Variants in NXN observed in about 807,000 individuals in gnomAD.
The protein encoded by NXN is nucleoredoxin 1.
NXN carries 16 observed loss-of-function variants against 48.6 expected under a neutral mutation model. The observed-to-expected ratio is 0.33, with a 90% CI of 0.22 to 0.50. The LOEUF (loss-of-function observed/expected upper bound fraction) is 0.50, where lower values mean the gene tolerates loss of function less well. Among genes scored for constraint, NXN ranks in the 20% least tolerant of loss-of-function variants. NXN has a pLI of 0.98. For synonymous variants in NXN, 281 were observed against 269.6 expected, an observed-to-expected ratio of 1.04 and a Z score of -0.41; for missense variants, 492 against 605.5, an observed-to-expected ratio of 0.81 and a Z score of 1.97.
chr17:873,493 C>CAAAAAAAAAAAAAAAAA (rs71145783), intron 1 of NXN, among the ~76,000 whole-genome samples: 4 of 74,980 alleles, frequency 5.3e-5, no homozygotes, highest in African/African-American at 1.5e-4. Flanking sequence ...ACACTGTCTC[C>CAAAAAAAAAAAAAAAAA]AAAAAAAAAA....
intron 1 of NXN, among the ~76,000 whole-genome samples, chr17:829,275 C>G (rs1277415936): frequency 6.6e-6 from 1 of 151,774 alleles, no homozygotes; most frequent in Admixed American, 6.6e-5. Context: ...TCTGCCTCAG[C>G]CTCCCGAGTA....
intron 1 of NXN, among the ~76,000 whole-genome samples, chr17:866,308 CGCA>C (rs1353249470): frequency 6.6e-6 from 1 of 152,026 alleles, no homozygotes; most frequent in Admixed American, 6.6e-5. Context: ...TAAGGCTGGG[CGCA>C]GTGGCTCACA....
At chr17:977,663 C>T (rs1358126566) in intron 1 of NXN, among the ~76,000 whole-genome samples, 1 of 152,156 alleles carries the variant, frequency 6.6e-6, no homozygotes, top group Admixed American at 6.5e-5. Flanking sequence ...TTTGTATTGC[C>T]GGATAAGGAC....
At chr17:841,080 C>T (rs1469098807) in intron 1 of NXN, among the ~76,000 whole-genome samples, 3 of 152,224 alleles carry the variant, frequency 2.0e-5, no homozygotes, top group Non-Finnish European at 4.4e-5. Flanking sequence ...CCACACCTCA[C>T]TCTCTTCAGC....
At chr17:818,290 C>A (rs552667439) in intron 5 of NXN, among the ~76,000 whole-genome samples, 7 of 152,124 alleles carry the variant, frequency 4.6e-5, no homozygotes, top group African/African-American at 1.4e-4. Context: ...CTGAAAAACA[C>A]CATGATTAGT....
At chr17:807,346 G>A (rs1265759693) in intron 5 of NXN, among the ~76,000 whole-genome samples, 4 of 152,214 alleles carry the variant, frequency 2.6e-5, no homozygotes, top group African/African-American at 7.2e-5. Flanking sequence ...AGGCCCCGCG[G>A]CCAGCCTGCG....
At chr17:910,082 ATCC>A (rs2068621379) in intron 1 of NXN, 1 of 152,188 alleles carries the variant, frequency 6.6e-6, no homozygotes, top group South Asian at 2.1e-4. Flanking sequence ...TTGAAGCAAC[ATCC>A]TACACCTCCT....
intron 1 of NXN, among the ~76,000 whole-genome samples, chr17:885,672 CTTTTTTT>C (rs532225883): frequency 1.2e-5 from 1 of 83,750 alleles, no homozygotes; most frequent in Non-Finnish European, 2.1e-5. Flanking sequence ...GCGGTACTCG[CTTTTTTT>C]TTTTTTTTTT....
chr17:969,271 C>A (rs550166807), intron 1 of NXN, among the ~76,000 whole-genome samples: 1 of 152,112 alleles, frequency 6.6e-6, no homozygotes, highest in African/African-American at 2.4e-5. Context: ...TTTTACTCAC[C>A]AGGAAACTAG....
chr17:968,051 A>G (rs2069328197), intron 1 of NXN, among the ~76,000 whole-genome samples: 1 of 145,836 alleles, frequency 6.9e-6, no homozygotes. Context: ...GAACTGATGG[A>G]TTTCTTGGGT....
intron 5 of NXN, 141 bp from the exon 6 acceptor site, chr17:805,388 G>T (rs1027987575): frequency 2.2e-6 from 2 of 901,532 alleles, no homozygotes; most frequent in Admixed American, 5.7e-5. Context: ...CAATGAAGAG[G>T]CCAGGTCTAA....
chr17:962,845 C>T (rs1007718628), intron 1 of NXN, among the ~76,000 whole-genome samples: 1 of 152,148 alleles, frequency 6.6e-6, no homozygotes. Flanking sequence ...AGCCCAGCGG[C>T]GGGAGTTTCA....
chr17:863,663 A>C (rs991843218), intron 1 of NXN, among the ~76,000 whole-genome samples: 25 of 151,830 alleles, frequency 1.6e-4, no homozygotes, highest in African/African-American at 5.6e-4. Flanking sequence ...GGGTCTCTCT[A>C]TGTTGCCCAC....
At chr17:896,855 C>CCGGGGGGGGG in intron 1 of NXN, 1 of 1,102,006 alleles carries the variant, frequency 9.1e-7, no homozygotes, top group Non-Finnish European at 1.2e-6. Flanking sequence ...GCGGTCCTGA[C>CCGGGGGGGGG]CACCCGCCCC....
In NXN at chr17:820,733, G is replaced by A. The variant is rs564170462; in HGVS notation, c.714-1188C>T. Among the ~76,000 whole-genome samples the A allele has an allele frequency of 2.8e-5, 2 of 71,534 alleles. 1 individual carries two copies. The highest frequency in any genetic ancestry group is 5.0e-5 in the Non-Finnish European group (2 of 39,630). 46.9% of individuals were successfully genotyped at this position (71,534 alleles called of 152,430 possible). On this transcript the variant is annotated intron_variant, in intron 4 of 7. Coordinates refer to ENST00000336868, the MANE Select transcript of NXN (RefSeq NM_022463.5). Reference sequence around the variant, plus strand: ...AAGCCCTAGAGTTCCAGACCAGCCTGGGCAACATGGAAAAACCGCATCTCT... The same window carrying A: ...AAGCCCTAGAGTTCCAGACCAGCCTAGGCAACATGGAAAAACCGCATCTCT...
At chr17:822,214 G>T in intron 4 of NXN, 143 bp downstream of exon 4, 1 of 533,014 alleles carries the variant, frequency 1.9e-6, no homozygotes, top group Admixed American at 3.0e-5. Flanking sequence ...AGGAGGTGGA[G>T]GTTGCAGTGA....
intron 1 of NXN, among the ~76,000 whole-genome samples, chr17:864,955 T>G (rs1476183098): frequency 6.6e-6 from 1 of 152,154 alleles, no homozygotes; most frequent in Non-Finnish European, 1.5e-5. Context: ...AGAATTTACC[T>G]CCTGCTTAAG....
rs578109669 is a variant in NXN at position 808,270 on chromosome 17, C to A, written c.821-3023G>T. On this transcript the variant is annotated intron_variant, in intron 5 of 7. Transcript: ENST00000336868. The stretch of plus-strand genomic sequence containing the variant: ...TCTCCCCCTTCACACACGCCCTGTT[C>A]CCCCAGCCCTTGAAGCAGGTTCTCT... Among the ~76,000 whole-genome samples the A allele has an allele frequency of 1.3e-4, 20 of 152,128 alleles. No individual in the cohort carries two copies. The East Asian group carries it at 3.7e-3, about 28-fold the overall frequency.
chr17:936,581 G>A (rs1410761339), intron 1 of NXN, among the ~76,000 whole-genome samples: 2 of 151,640 alleles, frequency 1.3e-5, no homozygotes, highest in East Asian at 3.9e-4. Context: ...AAGGGCAGGA[G>A]AGAAGGGCGA....
Sources: allele counts gnomAD v4.1 joint callset (sites outside exome capture counted in the v4.1 genomes callset), GRCh38; gene constraint gnomAD v4.1.1; transcripts MANE v1.5; gene names NCBI Gene and HGNC (gene_info 2026-07-23, HGNC 2026-07-21).